The following PATJ variants were observed in gnomAD, a reference collection of about 807,000 sequenced individuals.
PATJ encodes PATJ crumbs cell polarity complex component, also known as inaD-like protein.
A neutral mutation model predicts 224.9 loss-of-function variants in PATJ; 190 were observed. The observed-to-expected ratio is 0.84, with a 90% CI of 0.75 to 0.95. The LOEUF (loss-of-function observed/expected upper bound fraction) is 0.95. Ranked by LOEUF, PATJ falls within the 40% of genes least tolerant of loss-of-function variation. The pLI, the probability that PATJ is intolerant of heterozygous loss-of-function variation, is 0.00. For synonymous variants in PATJ, 769 were observed against 820.3 expected (o/e 0.94, Z 1.07); for missense variants, 2,121 against 2,270.3 (o/e 0.93, Z 1.34).
intron 43 of PATJ, among the ~76,000 whole-genome samples, chr1:62,157,936 TCAG>T (rs1478391089): frequency 4.0e-5 from 6 of 148,754 alleles, no homozygotes; most frequent in Admixed American, 7.1e-5. Flanking sequence ...CCTAAACACT[TCAG>T]CAACTCTAAA....
intron 33 of PATJ, chr1:62,100,542 T>C: frequency 1.7e-6 from 1 of 583,042 alleles, no homozygotes; most frequent in South Asian, 2.4e-5. Flanking sequence ...TCTCACCTCT[T>C]AATACTGTCA....
intron 17 of PATJ, chr1:61,852,599 A>G (rs1201018924): frequency 6.6e-6 from 1 of 152,166 alleles, no homozygotes; most frequent in African/African-American, 2.4e-5. Context: ...CGCTTCATAT[A>G]TTTATCTATG....
chr1:62,059,866 A>G lies in PATJ; in HGVS notation c.4125+8808A>G, dbSNP rs58824514. ...TCAGAATGGATGGGACTTGATGGTTACGTAGATATGAAAGTTGAAGAGGGA... is the reference window on the plus strand; with the variant it reads ...TCAGAATGGATGGGACTTGATGGTTGCGTAGATATGAAAGTTGAAGAGGGA... On this transcript the variant is annotated intron_variant, in intron 31 of 43. Coordinates refer to ENST00000642238, the MANE Select transcript of PATJ (RefSeq NM_001350145.3). Among the ~76,000 whole-genome samples the G allele has an allele frequency of 4.7e-3, 710 of 152,264 alleles. 9 individuals are homozygous for G. Among genetic ancestry groups the G allele is most frequent in the African/African-American group, 0.016 (676 of 41,564 alleles).
Position 61,833,649 on chromosome 1 carries a change from T to C in PATJ, c.1981-5T>C. 4 of 1,604,254 alleles carry C rather than the reference T, an allele frequency of 2.5e-6. No individual in the cohort carries two copies. The highest frequency in any genetic ancestry group is 3.4e-6 in the Non-Finnish European group (4 of 1,176,254). On this transcript the variant is annotated splice_polypyrimidine_tract_variant and splice_region_variant and intron_variant, in intron 16 of 43. Transcript: ENST00000642238. ...TTGAAGCATTTATCTTCTTTGGTAT[T>C]TCAGGTTGACCACAATATGGATGTC...
intron 18 of PATJ, among the ~76,000 whole-genome samples, chr1:61,857,138 A>C (rs1371463556): frequency 6.6e-6 from 1 of 152,146 alleles, no homozygotes; most frequent in Non-Finnish European, 1.5e-5. Context: ...TTATGACTGA[A>C]GGCTACATTA....
intron 27 of PATJ, among the ~76,000 whole-genome samples, chr1:61,989,593 AC>A (rs1361579733): frequency 6.6e-6 from 1 of 152,106 alleles, no homozygotes; most frequent in East Asian, 1.9e-4. Context: ...AATCTCTAAG[AC>A]CAAATACTTT....
At chr1:61,933,836 T>A (rs1443958674) in intron 27 of PATJ, among the ~76,000 whole-genome samples, 1 of 152,184 alleles carries the variant, frequency 6.6e-6, no homozygotes, top group African/African-American at 2.4e-5. Context: ...AACCCTAAAA[T>A]GAAACTTCTC....
chr1:61,947,015 C>A (rs973774515), intron 27 of PATJ, among the ~76,000 whole-genome samples: 9 of 152,314 alleles, frequency 5.9e-5, no homozygotes, highest in Admixed American at 1.3e-4. Context: ...CAAAATTCAA[C>A]AGCCCTTCAT....
intron 14 of PATJ, among the ~76,000 whole-genome samples, chr1:61,818,811 C>A (rs1017023761): frequency 4.6e-5 from 7 of 152,120 alleles, no homozygotes; most frequent in African/African-American, 1.7e-4. Context: ...CATGGGTGAG[C>A]CTCTGCGAAT....
chr1:62,104,238 A>G (rs1662598133), intron 33 of PATJ, among the ~76,000 whole-genome samples: 1 of 152,194 alleles, frequency 6.6e-6, no homozygotes, highest in African/African-American at 2.4e-5. Flanking sequence ...TAAGCATCAT[A>G]TGCATAATCA....
intron 1 of PATJ, among the ~76,000 whole-genome samples, chr1:61,756,045 G>A (rs1645620981): frequency 6.6e-6 from 1 of 152,108 alleles, no homozygotes; most frequent in African/African-American, 2.4e-5. Flanking sequence ...CACCCACCTT[G>A]GCCTTCCAAA....
chr1:62,000,493 C>T (rs879301150), intron 28 of PATJ, among the ~76,000 whole-genome samples: 11 of 151,556 alleles, frequency 7.3e-5, no homozygotes, highest in Non-Finnish European at 1.5e-4. Flanking sequence ...TGATGAGTTC[C>T]AATTTCATCC....
At chr1:61,957,359 A>G (rs1231479228) in intron 27 of PATJ, among the ~76,000 whole-genome samples, 1 of 152,218 alleles carries the variant, frequency 6.6e-6, no homozygotes, top group East Asian at 1.9e-4. Flanking sequence ...CAGTGGAACA[A>G]TGGTTTTTAT....
rs1353852018 is a variant in PATJ, at chr1:61,875,259, T to C, written c.2852T>C (p.Val951Ala). The C allele has an allele frequency of 2.5e-6, 4 of 1,594,714 alleles. No individual in the cohort carries two copies. The highest frequency in any genetic ancestry group is 3.4e-6 in the Non-Finnish European group (4 of 1,169,030). ...CCTCTCAAGATGAAAGAAAATTTTG[T>C]CATGGAGTCCCTACCATCTGTACCA... Reference protein sequence around the residue: ...CPENVMKENFVMESLPSVPST... With the variant: ...CPENVMKENFAMESLPSVPST... Residue 951 changes from valine to alanine, a missense_variant, in exon 21 of 44, where the codon GTC becomes GCC. Val to Ala is a moderately conservative substitution (Grantham distance 64). Transcript: ENST00000642238.
At chr1:62,145,865 C>T (rs543438852) in intron 41 of PATJ, among the ~76,000 whole-genome samples, 17 of 146,598 alleles carry the variant, frequency 1.2e-4, no homozygotes, top group African/African-American at 4.0e-4. Context: ...CACTAAGGCA[C>T]GAGAATTGCT....
intron 27 of PATJ, among the ~76,000 whole-genome samples, chr1:61,958,063 T>A (rs1680686580): frequency 6.6e-6 from 1 of 152,234 alleles, no homozygotes; most frequent in African/African-American, 2.4e-5. Flanking sequence ...TTTAGCTATA[T>A]ACAAAATATA....
chr1:61,812,427 A>AGT (rs1203727955), intron 14 of PATJ, among the ~76,000 whole-genome samples: 5 of 113,066 alleles, frequency 4.4e-5, no homozygotes, highest in East Asian at 4.5e-4. Flanking sequence ...AGAGAGAGAG[A>AGT]GAGAGAGTGT....
intron 21 of PATJ, among the ~76,000 whole-genome samples, chr1:61,878,623 C>G (rs1391630285): frequency 1.3e-5 from 2 of 151,210 alleles, no homozygotes; most frequent in Non-Finnish European, 2.9e-5. Flanking sequence ...GCAGGAGGAT[C>G]ACTTGAGTCC....
chr1:62,128,930 G>A lies in PATJ; in HGVS notation c.5256G>A (p.Gly1752=). 1 of 1,610,066 alleles carries A rather than the reference G, an allele frequency of 6.2e-7. No homozygotes were observed. The highest frequency in any genetic ancestry group is 8.5e-7 in the Non-Finnish European group (1 of 1,176,454). ...TTAATCTGCTGAAGAACGCCTACGG[G>A]CGCATTATCCTGCAGGTATTGCGAT... ...DVVNLLKNAY[G]RIILQVVADT... The change falls in exon 41 of 44, where the codon GGG becomes GGA. Residue 1752 remains glycine (G), a synonymous_variant. Coordinates refer to ENST00000642238, the MANE Select transcript of PATJ (RefSeq NM_001350145.3).
Sources: allele counts gnomAD v4.1 joint callset (sites outside exome capture counted in the v4.1 genomes callset), GRCh38; gene constraint gnomAD v4.1.1; transcripts MANE v1.5; gene names NCBI Gene and HGNC (gene_info 2026-07-23, HGNC 2026-07-21).